The following GUCA1C variants were observed in gnomAD, a reference collection of about 807,000 sequenced individuals.
The protein encoded by GUCA1C is guanylyl cyclase-activating protein 3.
GUCA1C carries 15 observed loss-of-function variants against 16.2 expected under a neutral mutation model. The ratio of observed to expected loss-of-function variants is 0.93; its 90% CI spans 0.62 to 1.43. The LOEUF is 1.43. Among genes scored for constraint, GUCA1C ranks in the 40% most tolerant of loss-of-function variants. GUCA1C has a pLI of 0.00. For missense variants in GUCA1C, 275 were observed against 244.8 expected (o/e 1.12, Z -0.82); for synonymous variants, 78 against 85.4 (o/e 0.91, Z 0.48).
At position 108,908,004 on chromosome 3, in the gene GUCA1C, G is replaced by A; in HGVS notation, c.*18C>T. On this transcript the variant is annotated 3_prime_UTR_variant, in exon 4 of 4. Transcript: ENST00000261047. ...GAAATGTTGTGCTCATTGATAGCTG[G>A]GACAGGTATTCTCACAGCTACTTCA... 6.4e-7 allele frequency: 1 copy of A among 1,574,718 alleles called. No homozygotes were observed.
chr3:108,944,760 A>G (rs1257135671), intron 1 of GUCA1C, among the ~76,000 whole-genome samples: 1 of 152,136 alleles, frequency 6.6e-6, no homozygotes, highest in African/African-American at 2.4e-5. Flanking sequence ...CACTCAGTAA[A>G]TATGTTTGCT....
At chr3:108,936,734 T>C (rs1946731300) in intron 1 of GUCA1C, among the ~76,000 whole-genome samples, 1 of 152,184 alleles carries the variant, frequency 6.6e-6, no homozygotes, top group Non-Finnish European at 1.5e-5. Context: ...AGTAAGGAAA[T>C]TCAGAGGTGC....
intron 2 of GUCA1C, among the ~76,000 whole-genome samples, chr3:108,920,031 T>C (rs1946554796): frequency 1.3e-5 from 2 of 152,164 alleles, no homozygotes; most frequent in African/African-American, 4.8e-5. Flanking sequence ...TACTTCAGTA[T>C]AGCTCCCAGA....
chr3:108,908,015 C>T lies in GUCA1C; in HGVS notation c.*7G>A. 1 of 1,601,772 alleles carries T rather than the reference C, an allele frequency of 6.2e-7. No individual in the cohort carries two copies. Among genetic ancestry groups the T allele is most frequent in the Non-Finnish European group, 8.5e-7 (1 of 1,171,000 alleles). ...CTCATTGATAGCTGGGACAGGTATT[C>T]TCACAGCTACTTCATTTTCACCTTC... On this transcript the variant is annotated 3_prime_UTR_variant, in exon 4 of 4. Coordinates refer to ENST00000261047, the MANE Select transcript of GUCA1C (RefSeq NM_005459.4).
chr3:108,927,719 C>T (rs2107293935), intron 1 of GUCA1C, among the ~76,000 whole-genome samples: 1 of 152,266 alleles, frequency 6.6e-6, no homozygotes, highest in Admixed American at 6.5e-5. Flanking sequence ...CTTCTGAATT[C>T]TATTTTGCAG....
At chr3:108,954,866 A>T (rs987566911), upstream of GUCA1C, among the ~76,000 whole-genome samples, 3 of 151,292 alleles carry the variant, frequency 2.0e-5, no homozygotes, top group African/African-American at 7.3e-5. Flanking sequence ...CCTCCAGAGT[A>T]GCTGGGACTA....
chr3:108,946,802 A>G (rs1414020950), intron 1 of GUCA1C, among the ~76,000 whole-genome samples: 1 of 151,364 alleles, frequency 6.6e-6, no homozygotes, highest in Non-Finnish European at 1.5e-5. Context: ...TTAGAGAACT[A>G]TTACAGAAAA....
At chr3:108,945,703 A>G (rs2107315804) in intron 1 of GUCA1C, among the ~76,000 whole-genome samples, 1 of 152,338 alleles carries the variant, frequency 6.6e-6, no homozygotes, top group African/African-American at 2.4e-5. Context: ...GTACATATTT[A>G]AAAATAAATA....
At chr3:108,939,408 C>T (rs1473680683) in intron 1 of GUCA1C, among the ~76,000 whole-genome samples, 3 of 134,940 alleles carry the variant, frequency 2.2e-5, no homozygotes, top group African/African-American at 5.6e-5. Flanking sequence ...CTCACTGCAA[C>T]CTCCGCCTCC....
Position 108,935,674 on chromosome 3 carries a change from C to T in GUCA1C, c.205-15089G>A, listed in dbSNP as rs554696624. On this transcript the variant is annotated intron_variant, in intron 1 of 3. Transcript: ENST00000261047. ...TTGCGCCACTGCACTCCAGCCTGGGCAACAGGGCAAGACTCCGTCTCAAAA... is the reference window on the plus strand; with the variant it reads ...TTGCGCCACTGCACTCCAGCCTGGGTAACAGGGCAAGACTCCGTCTCAAAA... 2.6e-4 allele frequency among the ~76,000 whole-genome samples: 40 copies of T among 151,790 alleles called. No homozygotes were observed. The South Asian group carries it at 5.4e-3, about 21-fold the overall frequency.
At chr3:108,948,447 A>G (rs1385401532) in intron 1 of GUCA1C, among the ~76,000 whole-genome samples, 1 of 152,168 alleles carries the variant, frequency 6.6e-6, no homozygotes, top group Non-Finnish European at 1.5e-5. Flanking sequence ...TCTTTTCTTT[A>G]TAAATTACCC....
Position 108,943,947 on chromosome 3 carries a change from TAC to T in GUCA1C, c.204+9610_204+9611del, listed in dbSNP as rs1313665580. ...AATCTCATCCAGGTCACTCCACCTG[TAC>T]CCCAATAACTTATAGAAAAAATTTT... On this transcript the variant is annotated intron_variant, in intron 1 of 3. Transcript: ENST00000261047. 3.3e-5 allele frequency among the ~76,000 whole-genome samples: 5 copies of T among 152,098 alleles called. No individual in the cohort carries two copies. In the East Asian group the frequency reaches 9.7e-4, roughly 29 times the overall value.
intron 1 of GUCA1C, among the ~76,000 whole-genome samples, chr3:108,922,266 A>G (rs1355589699): frequency 6.6e-6 from 1 of 152,016 alleles, no homozygotes; most frequent in Non-Finnish European, 1.5e-5. Context: ...CTGGTTCCAT[A>G]TTTTTGCATT....
intron 1 of GUCA1C, among the ~76,000 whole-genome samples, chr3:108,948,727 G>C (rs1946868374): frequency 6.6e-6 from 1 of 151,900 alleles, no homozygotes; most frequent in Non-Finnish European, 1.5e-5. Flanking sequence ...TTCCTTTCTT[G>C]AAAGACTTTA....
chr3:108,939,617 G>A (rs541959308), intron 1 of GUCA1C, among the ~76,000 whole-genome samples: 40 of 149,678 alleles, frequency 2.7e-4, no homozygotes, highest in Non-Finnish European at 4.7e-4. Flanking sequence ...ATGAGCCACC[G>A]CGCCCGGCCA....
chr3:108,920,109 T>C (rs927768267), intron 2 of GUCA1C, among the ~76,000 whole-genome samples: 2 of 152,164 alleles, frequency 1.3e-5, no homozygotes, highest in African/African-American at 4.8e-5. Context: ...AACCATCTCA[T>C]AGTTTAGCTA....
intron 1 of GUCA1C, among the ~76,000 whole-genome samples, chr3:108,925,865 T>C (rs1946618814): frequency 6.6e-6 from 1 of 152,192 alleles, no homozygotes; most frequent in South Asian, 2.1e-4. Flanking sequence ...GGCAGGTGGA[T>C]CACCTGAGAT....
Position 108,943,373 on chromosome 3 carries a change from G to A in GUCA1C, c.204+10186C>T, listed in dbSNP as rs1050541913. ...TACACCAAGTTCCCCTGCACCTAGC[G>A]TAGACTGGGAGAAAAGGCTGTAGGT... On this transcript the variant is annotated intron_variant, in intron 1 of 3. Coordinates refer to ENST00000261047, the MANE Select transcript of GUCA1C (RefSeq NM_005459.4). Among the ~76,000 whole-genome samples, 16 of 152,290 alleles carry A rather than the reference G, an allele frequency of 1.1e-4. No homozygotes were observed. The East Asian group carries it at 1.2e-3, about 11-fold the overall frequency.
intron 2 of GUCA1C, among the ~76,000 whole-genome samples, chr3:108,919,637 T>G (rs953442824): frequency 6.6e-6 from 1 of 152,180 alleles, no homozygotes; most frequent in African/African-American, 2.4e-5. Context: ...GTTGAGAAGT[T>G]TAATTATAAA....
Sources: allele counts gnomAD v4.1 joint callset (sites outside exome capture counted in the v4.1 genomes callset), GRCh38; gene constraint gnomAD v4.1.1; transcripts MANE v1.5; gene names NCBI Gene and HGNC (gene_info 2026-07-23, HGNC 2026-07-21).